CFAP46: variants seen among roughly 807,000 people sequenced by gnomAD.
The protein encoded by CFAP46 is cilia and flagella associated protein 46, also known as cilia- and flagella-associated protein 46.
In CFAP46, 245 loss-of-function variants were observed where a neutral mutation model predicts 325.7. The ratio of observed to expected loss-of-function variants is 0.75; its 90% CI spans 0.68 to 0.84. The LOEUF is 0.84. Ranked by LOEUF, CFAP46 falls within the 40% of genes least tolerant of loss-of-function variation. CFAP46 has a pLI of 0.00. For missense variants in CFAP46, 3,346 were observed against 3,543.0 expected (o/e 0.94, Z 1.41); for synonymous variants, 1,523 against 1,495.9 (o/e 1.02, Z -0.42).
intron 27 of CFAP46, among the ~76,000 whole-genome samples, chr10:132,883,442 G>A (rs904697274): frequency 6.6e-6 from 1 of 152,208 alleles, no homozygotes; most frequent in East Asian, 1.9e-4. Context: ...CACCCCTGCC[G>A]GCACAGCTAG....
At chr10:132,809,180 C>T (rs1182299662) in intron 57 of CFAP46, among the ~76,000 whole-genome samples, 1 of 152,210 alleles carries the variant, frequency 6.6e-6, no homozygotes, top group Non-Finnish European at 1.5e-5. Context: ...GCGAGCTGCT[C>T]TGCTGGGGGG....
chr10:132,864,007 C>T (rs1848764282), intron 35 of CFAP46, among the ~76,000 whole-genome samples: 1 of 149,180 alleles, frequency 6.7e-6, no homozygotes, highest in East Asian at 2.0e-4. Context: ...GTGCCTGAGA[C>T]CTGAACACAC....
At chr10:132,917,575 G>T (rs11597534) in intron 16 of CFAP46, among the ~76,000 whole-genome samples, 1 of 152,050 alleles carries the variant, frequency 6.6e-6, no homozygotes, top group African/African-American at 2.4e-5. Context: ...TCTCCCCACC[G>T]AGTGGCGGTT....
At chr10:132,868,378 A>C (rs1194188037) in intron 33 of CFAP46, among the ~76,000 whole-genome samples, 1 of 152,250 alleles carries the variant, frequency 6.6e-6, no homozygotes, top group Non-Finnish European at 1.5e-5. Flanking sequence ...GCCAAAGACC[A>C]GGTTCCTGGG....
chr10:132,844,157 G>A (rs1288313938), intron 44 of CFAP46, among the ~76,000 whole-genome samples: 2 of 149,442 alleles, frequency 1.3e-5, no homozygotes, highest in African/African-American at 5.0e-5. Flanking sequence ...GGGTGCTGTG[G>A]GGCTCTGCTC....
rs1251819203 is a variant in CFAP46, at chr10:132,876,705, C to G, written c.4362+107G>C. 7.4e-6 allele frequency: 9 copies of G among 1,212,322 alleles called. No individual in the cohort carries two copies. Among genetic ancestry groups the G allele is most frequent in the East Asian group, 5.1e-5 (2 of 38,968 alleles). 75.1% of individuals were successfully genotyped at this position (1,212,322 alleles called of 1,614,324 possible). A position where few individuals can be genotyped will look rare whatever the true frequency, so the allele number is the denominator to read the frequency against. ...GGGGGCTGATGGGACTCTGTCCTGT[C>G]CTCCTTTTTCTGGCTACAGTTCACA... is the stretch of plus-strand genomic sequence containing the variant. On this transcript the variant is annotated intron_variant, in intron 31 of 57. Coordinates refer to ENST00000368586, the MANE Select transcript of CFAP46 (RefSeq NM_001200049.3). The surrounding 1 kb of genome is among the most constrained non-coding windows in gnomAD (Gnocchi z 4.1).
In CFAP46 at chr10:132,918,478, C is replaced by T; in HGVS notation, c.1901G>A (p.Trp634Ter). 6.5e-7 allele frequency: 1 copy of T among 1,547,350 alleles called. No individual in the cohort carries two copies. Among genetic ancestry groups the T allele is most frequent in the South Asian group, 1.2e-5 (1 of 83,932 alleles). ...RGRDGSVQDT[W>*]SQPEVVLQRQ... ...CTGCAGGACGACCTCAGGCTGGCTC[C>T]AGGTGTCCTGCACCGAGCCGTCCCT... The change falls in exon 16 of 58, where the codon TGG (tryptophan) becomes TAG (stop). Residue 634 changes from tryptophan (W) to a stop codon, truncating the protein, a stop_gained. Transcript: ENST00000368586. LOFTEE classifies it high-confidence loss of function.
chr10:132,922,240 A>G lies in CFAP46; in HGVS notation c.1486-16T>C. 1.3e-6 allele frequency: 2 copies of G among 1,545,748 alleles called. No individual in the cohort carries two copies. The highest frequency in any genetic ancestry group is 2.4e-5 in the South Asian group (2 of 83,774). ...CTTTTTTTGCCTGTGAAAAGCAGAGACTGATGAGCAAGGGGCCGCTGGACT... is the reference window on the plus strand; with the variant it reads ...CTTTTTTTGCCTGTGAAAAGCAGAGGCTGATGAGCAAGGGGCCGCTGGACT... On this transcript the variant is annotated splice_polypyrimidine_tract_variant and intron_variant, in intron 12 of 57. Transcript: ENST00000368586.
chr10:132,882,468 G>A (rs1305565758), intron 27 of CFAP46, among the ~76,000 whole-genome samples: 3 of 151,860 alleles, frequency 2.0e-5, no homozygotes, highest in African/African-American at 4.8e-5. Context: ...TCCAGCCACC[G>A]GAGGATGGAG....
chr10:132,826,461 C>T (rs1848054877), intron 50 of CFAP46, among the ~76,000 whole-genome samples: 1 of 134,974 alleles, frequency 7.4e-6, no homozygotes, highest in South Asian at 2.6e-4. Context: ...GGAGCCGGAG[C>T]CACAGAGACC....
At chr10:132,853,957 G>A (rs898913867) in intron 39 of CFAP46, among the ~76,000 whole-genome samples, 1 of 152,070 alleles carries the variant, frequency 6.6e-6, no homozygotes, top group East Asian at 1.9e-4. Flanking sequence ...CAAAGAACTA[G>A]CTTTGGTTTC....
intron 24 of CFAP46, among the ~76,000 whole-genome samples, chr10:132,897,229 A>C (rs75527485): frequency 6.6e-6 from 1 of 152,268 alleles, no homozygotes. Context: ...CCAAAGACAC[A>C]GGCAACAAAA....
rs1848683371 is a variant in CFAP46 at position 132,858,746 on chromosome 10, G to A, written c.5375+325C>T. On this transcript the variant is annotated intron_variant, in intron 38 of 57. Transcript: ENST00000368586. ...TGCCTGTGGCTGGTGGGGGTGGGTGGTGCTGTATGTCTGTGCGTGTCTGCC... is the reference window on the plus strand; with the variant it reads ...TGCCTGTGGCTGGTGGGGGTGGGTGATGCTGTATGTCTGTGCGTGTCTGCC... Among the ~76,000 whole-genome samples, 5 of 152,168 alleles carry A rather than the reference G, an allele frequency of 3.3e-5. No homozygotes were observed. The South Asian group carries it at 1.0e-3, about 31-fold the overall frequency.
chr10:132,940,489 G>A (rs1850080267), intron 4 of CFAP46, among the ~76,000 whole-genome samples: 1 of 152,234 alleles, frequency 6.6e-6, no homozygotes, highest in Non-Finnish European at 1.5e-5. Context: ...CCGCTAGGGA[G>A]CAGCAAAGGC....
chr10:132,907,886 G>A (rs1849478946), intron 22 of CFAP46, among the ~76,000 whole-genome samples: 1 of 152,190 alleles, frequency 6.6e-6, no homozygotes, highest in African/African-American at 2.4e-5. Flanking sequence ...GACAGGAAGG[G>A]GCCCTCGCAG....
At chr10:132,843,219 C>T (rs1397436322) in intron 44 of CFAP46, among the ~76,000 whole-genome samples, 4 of 152,214 alleles carry the variant, frequency 2.6e-5, no homozygotes, top group Non-Finnish European at 5.9e-5. Flanking sequence ...TGCGTCCTCT[C>T]CAGGCACCAC....
rs1850065854 is a variant in CFAP46, at chr10:132,939,558, G to A, written c.372-805C>T. Among the ~76,000 whole-genome samples the A allele has an allele frequency of 6.6e-6, 1 of 152,204 alleles. No individual in the cohort carries two copies. ...ACTGCTCAATGCCCAGGTGGGAGGA[G>A]GACACCAGGGTGGCTGTGGCAAGCC... On this transcript the variant is annotated intron_variant, in intron 4 of 57. Coordinates refer to ENST00000368586, the MANE Select transcript of CFAP46 (RefSeq NM_001200049.3). This position sits in a 1 kb window ranked among gnomAD's most constrained non-coding sequence, Gnocchi z 4.6.
At position 132,937,614 on chromosome 10, in the gene CFAP46, T is replaced by C. The variant is rs1217052902; in HGVS notation, c.598A>G (p.Thr200Ala). 1 of 1,613,546 alleles carries C rather than the reference T, an allele frequency of 6.2e-7. No homozygotes were observed. Among genetic ancestry groups the C allele is most frequent in the East Asian group, 2.2e-5 (1 of 44,874 alleles). Residue 200 changes from threonine (T) to alanine (A), a missense_variant, in exon 6 of 58, where the codon ACG (threonine) becomes GCG (alanine). Physicochemically the swap from Thr to Ala is moderately conservative, Grantham distance 58. Transcript: ENST00000368586. ...TGAGACTTAATGAACGGAGCTGCCG[T>C]GGAGCAGAACCTGGCAGCCTCCTCC... ...RKEEAARFCS[T>A]AAPFIKSHVP...
chr10:132,836,721 TG>T, intron 45 of CFAP46, 95 bp downstream of exon 45: 1 of 1,008,038 alleles, frequency 9.9e-7, no homozygotes, highest in Non-Finnish European at 1.6e-6. Flanking sequence ...CTCCCTGGGG[TG>T]GGGCTGAGGT....
Sources: gnomAD v4.1 joint callset for allele counts (sites outside exome capture counted in the v4.1 genomes callset) on GRCh38, gnomAD v4.1.1 for gene constraint, Gnocchi (gnomAD v3.1) non-coding constraint, MANE v1.5 for transcripts, NCBI Gene and HGNC (gene_info 2026-07-23, HGNC 2026-07-21) for gene names.